Variants in CNDP1 observed in about 807,000 individuals in gnomAD.
The protein encoded by CNDP1 is beta-Ala-His dipeptidase.
CNDP1 carries 44 observed loss-of-function variants against 58.1 expected under a neutral mutation model. That is an observed-to-expected ratio of 0.76 (90% CI 0.60 to 0.97). The LOEUF is 0.97. Ranked by LOEUF, CNDP1 falls within the 50% of genes least tolerant of loss-of-function variation. The probability of loss-of-function intolerance (pLI) is 0.00; values close to 1 mark genes in which losing one functional copy is unlikely to be tolerated. For synonymous variants in CNDP1, 254 were observed against 252.6 expected, an observed-to-expected ratio of 1.01 and a Z score of -0.05; for missense variants, 616 against 655.1, an observed-to-expected ratio of 0.94 and a Z score of 0.65.
intron 8 of CNDP1, 53 bp from the exon 9 acceptor site, chr18:74,578,110 A>C (rs1174660379): frequency 6.5e-7 from 1 of 1,542,326 alleles, no homozygotes; most frequent in Non-Finnish European, 8.8e-7. Flanking sequence ...CAAGCAACCC[A>C]GGTCCACTGG....
chr18:74,568,975 A>G (rs1395117728), intron 6 of CNDP1, among the ~76,000 whole-genome samples: 2 of 152,228 alleles, frequency 1.3e-5, no homozygotes, highest in Non-Finnish European at 2.9e-5. Context: ...GGCTGAGGTG[A>G]TCAACGGTGG....
chr18:74,549,572 C>T (rs1197169180), intron 1 of CNDP1, among the ~76,000 whole-genome samples: 2 of 152,014 alleles, frequency 1.3e-5, no homozygotes, highest in Non-Finnish European at 2.9e-5. Flanking sequence ...GGGAAATTTT[C>T]AGCCTGGCCA....
chr18:74,574,548 C>T (rs1254715701), intron 7 of CNDP1, among the ~76,000 whole-genome samples: 2 of 152,182 alleles, frequency 1.3e-5, no homozygotes, highest in Non-Finnish European at 2.9e-5. Context: ...ATTCTGTTTC[C>T]TGTGGGCAGT....
chr18:74,540,638 T>C (rs1033072211), intron 1 of CNDP1, among the ~76,000 whole-genome samples: 1 of 152,196 alleles, frequency 6.6e-6, no homozygotes, highest in Non-Finnish European at 1.5e-5. Flanking sequence ...TGTAACCTAC[T>C]CATCCTGGCT....
At chr18:74,578,059 G>A (rs1981677239) in intron 8 of CNDP1, 104 bp from the exon 9 acceptor site, 4 of 1,014,620 alleles carry the variant, frequency 3.9e-6, no homozygotes, top group South Asian at 3.2e-5. Context: ...GACAGTTAAC[G>A]TGTCCTGAAT....
chr18:74,536,318 G>A (rs1310794244), intron 1 of CNDP1, among the ~76,000 whole-genome samples: 1 of 152,118 alleles, frequency 6.6e-6, no homozygotes, highest in Non-Finnish European at 1.5e-5. Context: ...AGGCCCCAGT[G>A]TGTGTTGTTC....
chr18:74,545,631 C>T lies in CNDP1; in HGVS notation c.25-10707C>T, dbSNP rs909197917. On this transcript the variant is annotated intron_variant, in intron 1 of 11. Coordinates refer to ENST00000358821, the MANE Select transcript of CNDP1 (RefSeq NM_032649.6). This position sits in a 1 kb window ranked among gnomAD's most constrained non-coding sequence, Gnocchi z 4.1. ...TCCTCTGTCCCCAGTCCACGTCTCT[C>T]TCAACTCCCCACTCCCTCCGACCCT... 3.3e-5 allele frequency among the ~76,000 whole-genome samples: 5 copies of T among 152,104 alleles called. No homozygotes were observed. Among genetic ancestry groups the T allele is most frequent in the Non-Finnish European group, 7.4e-5 (5 of 68,008 alleles).
chr18:74,579,155 TCTC>T (rs1226342759), intron 9 of CNDP1, among the ~76,000 whole-genome samples: 9 of 139,042 alleles, frequency 6.5e-5, no homozygotes, highest in African/African-American at 2.5e-4. Flanking sequence ...TCCTGCCCTC[TCTC>T]CTCCCTCTCT....
At chr18:74,579,183 CCCTTTCCTTCCCTTCCCTTG>C (rs1484133085) in intron 9 of CNDP1, among the ~76,000 whole-genome samples, 45 of 87,364 alleles carry the variant, frequency 5.2e-4, no homozygotes, top group South Asian at 2.0e-3. Context: ...TCTCCCTTCT[CCCTTTCCTTCCCTTCCCTTG>C]CCTTCCCTTC....
intron 11 of CNDP1, chr18:74,584,184 TCTC>T (rs1407061474): frequency 2.6e-6 from 1 of 383,696 alleles, no homozygotes; most frequent in East Asian, 5.2e-5. Flanking sequence ...TACTACAAGA[TCTC>T]CTAAGCATCC....
chr18:74,565,868 C>T (rs532637142), intron 5 of CNDP1, among the ~76,000 whole-genome samples: 20 of 152,374 alleles, frequency 1.3e-4, no homozygotes, highest in South Asian at 4.1e-4. Context: ...GGGGTTCCAA[C>T]GCCACATTTC....
At chr18:74,576,730 C>T in intron 7 of CNDP1, 139 bp from the exon 8 acceptor site, 1 of 626,796 alleles carries the variant, frequency 1.6e-6, no homozygotes. Context: ...GAGTTGCTGC[C>T]AATGGCTTTG....
intron 9 of CNDP1, among the ~76,000 whole-genome samples, chr18:74,579,676 C>T (rs956105798): frequency 3.9e-5 from 6 of 152,276 alleles, no homozygotes; most frequent in Admixed American, 6.5e-5. Flanking sequence ...GAGTTGCTCC[C>T]ACGTCTTGGA....
At chr18:74,571,322 C>T in intron 7 of CNDP1, 52 bp downstream of exon 7, 3 of 1,242,740 alleles carry the variant, frequency 2.4e-6, no homozygotes, top group Non-Finnish European at 3.6e-6. Flanking sequence ...AACTAAAAGA[C>T]AGCTCTACTT....
intron 1 of CNDP1, among the ~76,000 whole-genome samples, chr18:74,555,789 A>G (rs142320143): frequency 6.6e-6 from 1 of 152,136 alleles, no homozygotes; most frequent in Non-Finnish European, 1.5e-5. Flanking sequence ...GACCTCCCAA[A>G]GTACTGGGAT....
intron 1 of CNDP1, among the ~76,000 whole-genome samples, chr18:74,550,579 A>ATTT (rs796382003): frequency 2.2e-5 from 3 of 138,204 alleles, no homozygotes; most frequent in Admixed American, 1.5e-4. Context: ...GCATTATTGA[A>ATTT]TTTTTTTTTT....
In CNDP1 at chr18:74,537,522, A is replaced by C. The variant is rs771671508; in HGVS notation, c.24+2831A>C. Among the ~76,000 whole-genome samples the C allele has an allele frequency of 7.9e-5, 12 of 152,274 alleles. 1 individual carries two copies. The South Asian group carries it at 2.5e-3, about 32-fold the overall frequency. On this transcript the variant is annotated intron_variant, in intron 1 of 11. Transcript: ENST00000358821. ...GGGATCTTGAGCCCAAGATTGGGCAAACTCTTTCTTTTACTGTGACACAGA... is the reference window on the plus strand; with the variant it reads ...GGGATCTTGAGCCCAAGATTGGGCACACTCTTTCTTTTACTGTGACACAGA...
chr18:74,572,868 GT>G (rs1165626714), intron 7 of CNDP1, among the ~76,000 whole-genome samples: 2 of 140,496 alleles, frequency 1.4e-5, no homozygotes, highest in Non-Finnish European at 3.1e-5. Flanking sequence ...GTTTAATAAT[GT>G]GCCCCTTTTG....
intron 1 of CNDP1, among the ~76,000 whole-genome samples, chr18:74,546,936 G>A (rs780759604): frequency 2.6e-5 from 4 of 152,340 alleles, no homozygotes; most frequent in East Asian, 1.9e-4. Context: ...CTGGACTAGA[G>A]GATGATGGAG....
Sources: allele counts gnomAD v4.1 joint callset (sites outside exome capture counted in the v4.1 genomes callset), GRCh38; gene constraint gnomAD v4.1.1; non-coding constraint Gnocchi (gnomAD v3.1); transcripts MANE v1.5; gene names NCBI Gene and HGNC (gene_info 2026-07-23, HGNC 2026-07-21).